Variants in RALYL observed in about 807,000 individuals in gnomAD.
The protein encoded by RALYL is RALY RNA binding protein like.
In RALYL, 29 loss-of-function variants were observed where a neutral mutation model predicts 35.1. The observed-to-expected ratio is 0.83, with a 90% confidence interval of 0.61 to 1.13. RALYL has a LOEUF of 1.13. Among genes scored for constraint, RALYL ranks in the 50% most tolerant of loss-of-function variants. RALYL has a pLI of 0.00. For missense variants in RALYL, 359 were observed against 360.4 expected (o/e 1.00, Z 0.03); for synonymous variants, 120 against 127.6 (o/e 0.94, Z 0.40).
intron 2 of RALYL, among the ~76,000 whole-genome samples, chr8:84,624,315 GC>G (rs1266151378): frequency 1.3e-5 from 2 of 152,220 alleles, no homozygotes; most frequent in African/African-American, 2.4e-5. Context: ...TAAGTCAGAA[GC>G]CTAACGTGGG....
chr8:84,876,142 T>C (rs897528340), intron 7 of RALYL, among the ~76,000 whole-genome samples: 1 of 152,162 alleles, frequency 6.6e-6, no homozygotes, highest in Non-Finnish European at 1.5e-5. Context: ...GATTGTTAAG[T>C]TCCTCAGAAC....
chr8:84,533,256 T>C (rs2059386183), intron 2 of RALYL, among the ~76,000 whole-genome samples: 1 of 152,278 alleles, frequency 6.6e-6, no homozygotes, highest in South Asian at 2.1e-4. Context: ...TATTGCATTT[T>C]TCAATCTAAG....
At chr8:84,316,276 A>G (rs1358038282) in intron 1 of RALYL, among the ~76,000 whole-genome samples, 2 of 152,140 alleles carry the variant, frequency 1.3e-5, no homozygotes, top group Non-Finnish European at 2.9e-5. Flanking sequence ...TGGATGAGAA[A>G]GACATGGAAA....
rs376324806 is a variant in RALYL at position 84,838,669 on chromosome 8, T to C, written c.366-11311T>C. On this transcript the variant is annotated intron_variant, in intron 4 of 8. Coordinates refer to ENST00000521268, the MANE Select transcript of RALYL (RefSeq NM_173848.7). ...AATACTTAGCTATAACTGGTTCTTG[T>C]AAATACATCTTAGCAGTCAGGATTG... Among the ~76,000 whole-genome samples, 12 of 152,358 alleles carry C rather than the reference T, an allele frequency of 7.9e-5. No homozygotes were observed. The East Asian group carries it at 1.7e-3, about 22-fold the overall frequency.
At chr8:84,368,626 G>C (rs1855038370) in intron 1 of RALYL, among the ~76,000 whole-genome samples, 1 of 152,176 alleles carries the variant, frequency 6.6e-6, no homozygotes, top group Non-Finnish European at 1.5e-5. Context: ...CAGCAGACAA[G>C]ATAAGAGAAC....
chr8:84,603,529 G>A (rs1483045924), intron 2 of RALYL, among the ~76,000 whole-genome samples: 1 of 151,984 alleles, frequency 6.6e-6, no homozygotes, highest in South Asian at 2.1e-4. Context: ...TCTGAGGTAG[G>A]TGTGAGATTT....
chr8:84,477,009 G>T (rs576378041), intron 1 of RALYL, among the ~76,000 whole-genome samples: 3 of 152,216 alleles, frequency 2.0e-5, no homozygotes, highest in Non-Finnish European at 4.4e-5. Flanking sequence ...GGAACACAAA[G>T]TAGAGCTCCT....
chr8:84,823,725 C>G (rs1167572824), intron 4 of RALYL, among the ~76,000 whole-genome samples: 2 of 151,990 alleles, frequency 1.3e-5, no homozygotes, highest in Admixed American at 1.3e-4. Context: ...CTTTCCTCTT[C>G]TCTTCCTTTC....
chr8:84,330,684 G>T (rs1254985151), intron 1 of RALYL, among the ~76,000 whole-genome samples: 1 of 151,884 alleles, frequency 6.6e-6, no homozygotes, highest in African/African-American at 2.4e-5. Context: ...CCCCTAACTG[G>T]CATTGAAATT....
At chr8:84,376,572 G>C (rs926387036) in intron 1 of RALYL, among the ~76,000 whole-genome samples, 36 of 151,618 alleles carry the variant, frequency 2.4e-4, no homozygotes, top group Non-Finnish European at 2.9e-5. Flanking sequence ...GAGGAAGCAG[G>C]GTACTTGGCA....
At chr8:84,632,709 T>C (rs1359555120) in intron 2 of RALYL, among the ~76,000 whole-genome samples, 1 of 151,876 alleles carries the variant, frequency 6.6e-6, no homozygotes, top group African/African-American at 2.4e-5. Context: ...GGCTAAATTC[T>C]ACTATTTTGT....
At chr8:84,792,660 T>G (rs2718983) in intron 3 of RALYL, among the ~76,000 whole-genome samples, 50,482 of 152,034 alleles carry the variant, frequency 0.33, 10,069 homozygotes, top group African/African-American at 0.56. Flanking sequence ...ATCAACAGCA[T>G]GTAAGGTTGG....
At chr8:84,545,620 T>C (rs1340601488) in intron 2 of RALYL, among the ~76,000 whole-genome samples, 1 of 152,248 alleles carries the variant, frequency 6.6e-6, no homozygotes, top group African/African-American at 2.4e-5. Flanking sequence ...ACTTCATGTA[T>C]GATCCTCATG....
At chr8:84,577,698 G>A (rs1018122624) in intron 2 of RALYL, among the ~76,000 whole-genome samples, 2 of 151,984 alleles carry the variant, frequency 1.3e-5, no homozygotes, top group Non-Finnish European at 2.9e-5. Context: ...TGCTTTAAGA[G>A]CTAGGGAAAT....
At chr8:84,240,123 C>T (rs6996404) in intron 1 of RALYL, among the ~76,000 whole-genome samples, 1 of 151,844 alleles carries the variant, frequency 6.6e-6, no homozygotes. Flanking sequence ...TTATTGTAGA[C>T]ACACTAAATT....
intron 4 of RALYL, among the ~76,000 whole-genome samples, chr8:84,829,169 T>G (rs1486482301): frequency 1.3e-5 from 2 of 152,110 alleles, no homozygotes; most frequent in East Asian, 3.9e-4. Flanking sequence ...GAACTGTCCT[T>G]TATAAAGCCA....
chr8:84,679,365 C>A, intron 2 of RALYL: 1 of 270,340 alleles, frequency 3.7e-6, no homozygotes, highest in Non-Finnish European at 7.4e-6. Context: ...AGTTGAAACC[C>A]CACTACTTCA....
chr8:84,735,811 C>CGAGAGA (rs59842702), intron 2 of RALYL, among the ~76,000 whole-genome samples: 5,609 of 111,246 alleles, frequency 0.05, 130 homozygotes, highest in Middle Eastern at 0.097. Context: ...ATCCAAACCG[C>CGAGAGA]GAGAGAGAGA....
At chr8:84,214,088 C>G (rs1820207633) in intron 1 of RALYL, among the ~76,000 whole-genome samples, 1 of 152,032 alleles carries the variant, frequency 6.6e-6, no homozygotes, top group Non-Finnish European at 1.5e-5. Flanking sequence ...TTATCAATTG[C>G]CACAACCTGT....
Sources: allele counts gnomAD v4.1 joint callset (sites outside exome capture counted in the v4.1 genomes callset), GRCh38; gene constraint gnomAD v4.1.1; transcripts MANE v1.5; gene names NCBI Gene and HGNC (gene_info 2026-07-23, HGNC 2026-07-21).